SLC9A9: variants seen among roughly 807,000 people sequenced by gnomAD.
SLC9A9 encodes solute carrier family 9 member A9.
Under a neutral mutation model 77.8 loss-of-function variants are expected in SLC9A9, and 62 were observed. The ratio of observed to expected loss-of-function variants is 0.80; its 90% CI spans 0.65 to 0.98. The LOEUF is 0.98. Among genes scored for constraint, SLC9A9 ranks in the 50% least tolerant of loss-of-function variants. The pLI is 0.00. For missense variants in SLC9A9, 775 were observed against 774.9 expected (o/e 1.00, Z 0.00); for synonymous variants, 320 against 283.5 (o/e 1.13, Z -1.29).
intron 14 of SLC9A9, among the ~76,000 whole-genome samples, chr3:143,279,594 G>A (rs1429502268): frequency 6.6e-6 from 1 of 152,042 alleles, no homozygotes; most frequent in Non-Finnish European, 1.5e-5. Flanking sequence ...GCCCCAGTGT[G>A]TGATGTTCCC....
At chr3:143,832,303 T>G (rs2009459037) in intron 1 of SLC9A9, 82 bp from the exon 2 acceptor site, 3 of 1,224,602 alleles carry the variant, frequency 2.4e-6, no homozygotes, top group Admixed American at 1.9e-5. Flanking sequence ...ATTTGGAACC[T>G]TCAGAAGTGA....
At position 143,770,580 on chromosome 3, in the gene SLC9A9, C is replaced by G. The variant is rs184319751; in HGVS notation, c.533+24421G>C. Among the ~76,000 whole-genome samples, 302 of 152,000 alleles carry G rather than the reference C, an allele frequency of 2.0e-3. 1 individual carries two copies. Among genetic ancestry groups the G allele is most frequent in the Middle Eastern group, 0.01 (3 of 294 alleles). On this transcript the variant is annotated intron_variant, in intron 4 of 15. Coordinates refer to ENST00000316549, the MANE Select transcript of SLC9A9 (RefSeq NM_173653.4). ...AGAAATTGGAGACAGATCAAATAATCCAAACATAAACAAACGGACAGATAA... is the reference window on the plus strand; with the variant it reads ...AGAAATTGGAGACAGATCAAATAATGCAAACATAAACAAACGGACAGATAA...
chr3:143,829,910 C>T (rs1380020127), intron 2 of SLC9A9, among the ~76,000 whole-genome samples: 1 of 152,090 alleles, frequency 6.6e-6, no homozygotes, highest in Non-Finnish European at 1.5e-5. Flanking sequence ...GTTTTAAGCT[C>T]CTCACTTCAC....
chr3:143,384,228 G>A (rs1045785542), intron 12 of SLC9A9, among the ~76,000 whole-genome samples: 1 of 150,488 alleles, frequency 6.6e-6, no homozygotes, highest in African/African-American at 2.4e-5. Flanking sequence ...GGGTGGGGGT[G>A]GCCTGCCTCC....
intron 9 of SLC9A9, among the ~76,000 whole-genome samples, chr3:143,508,938 T>C (rs1268601840): frequency 6.6e-6 from 1 of 152,204 alleles, no homozygotes; most frequent in Admixed American, 6.5e-5. Flanking sequence ...AACAGTGATA[T>C]TAAAACTCTT....
At chr3:143,531,217 G>A (rs147881592) in intron 9 of SLC9A9, among the ~76,000 whole-genome samples, 56 of 152,236 alleles carry the variant, frequency 3.7e-4, no homozygotes, top group Middle Eastern at 3.4e-3. Flanking sequence ...TCATGCCTCC[G>A]CTTGAGCATT....
intron 6 of SLC9A9, among the ~76,000 whole-genome samples, chr3:143,604,918 T>A (rs1471964621): frequency 6.6e-6 from 1 of 152,214 alleles, no homozygotes; most frequent in Non-Finnish European, 1.5e-5. Context: ...AAGTTTTCAA[T>A]GAGGGCCCCT....
intron 6 of SLC9A9, among the ~76,000 whole-genome samples, chr3:143,583,226 A>G (rs2037485954): frequency 6.6e-6 from 1 of 152,186 alleles, no homozygotes; most frequent in African/African-American, 2.4e-5. Flanking sequence ...CAGGATATTG[A>G]TTCATTCTGT....
chr3:143,697,689 TACACACAC>T (rs144005213), intron 4 of SLC9A9, among the ~76,000 whole-genome samples: 1 of 148,618 alleles, frequency 6.7e-6, no homozygotes, highest in African/African-American at 2.5e-5. Context: ...TGTGTGTGAG[TACACACAC>T]ACACACACAC....
intron 6 of SLC9A9, among the ~76,000 whole-genome samples, chr3:143,649,325 T>TAAGAG (rs2038760020): frequency 6.6e-6 from 1 of 152,224 alleles, no homozygotes; most frequent in Non-Finnish European, 1.5e-5. Context: ...GACATTCCCT[T>TAAGAG]TATGCTTGAA....
intron 1 of SLC9A9, among the ~76,000 whole-genome samples, chr3:143,843,812 T>C (rs1047577906): frequency 6.6e-6 from 1 of 152,178 alleles, no homozygotes; most frequent in African/African-American, 2.4e-5. Context: ...AAGTGAGTGG[T>C]ACTAAGTGCA....
At chr3:143,585,679 A>T (rs2037528726) in intron 6 of SLC9A9, among the ~76,000 whole-genome samples, 1 of 152,098 alleles carries the variant, frequency 6.6e-6, no homozygotes, top group Admixed American at 6.5e-5. Flanking sequence ...AATCTCCTTA[A>T]TCTGGGGTTC....
chr3:143,294,794 G>A (rs772986321), intron 14 of SLC9A9, among the ~76,000 whole-genome samples: 1 of 152,178 alleles, frequency 6.6e-6, no homozygotes, highest in African/African-American at 2.4e-5. Flanking sequence ...CACAGCTCAG[G>A]ACTGGGATTC....
chr3:143,721,398 C>T (rs1934494727), intron 4 of SLC9A9, among the ~76,000 whole-genome samples: 2 of 151,972 alleles, frequency 1.3e-5, no homozygotes, highest in African/African-American at 4.8e-5. Flanking sequence ...CTGGGACTTC[C>T]ATTTCTTCAT....
At chr3:143,846,172 A>G (rs1576768307) in intron 1 of SLC9A9, among the ~76,000 whole-genome samples, 2 of 152,324 alleles carry the variant, frequency 1.3e-5, no homozygotes, top group South Asian at 4.1e-4. Context: ...GTAGGTTATC[A>G]AAACTTTTAC....
At chr3:143,614,375 T>C (rs2038070119) in intron 6 of SLC9A9, among the ~76,000 whole-genome samples, 1 of 152,206 alleles carries the variant, frequency 6.6e-6, no homozygotes, top group South Asian at 2.1e-4. Context: ...AGTGCCTTGA[T>C]TTGATCAGGC....
chr3:143,661,845 C>A (rs1308167710), intron 5 of SLC9A9, among the ~76,000 whole-genome samples: 1 of 152,094 alleles, frequency 6.6e-6, no homozygotes, highest in Non-Finnish European at 1.5e-5. Flanking sequence ...CAGCTATAGA[C>A]TCCCATATCC....
intron 14 of SLC9A9, among the ~76,000 whole-genome samples, chr3:143,299,518 A>G (rs1313763003): frequency 6.6e-6 from 1 of 150,918 alleles, no homozygotes; most frequent in African/African-American, 2.4e-5. Context: ...TTCTTGGCTC[A>G]CTGCAACCTC....
chr3:143,589,992 A>G (rs1315951447), intron 6 of SLC9A9, among the ~76,000 whole-genome samples: 1 of 152,248 alleles, frequency 6.6e-6, no homozygotes, highest in Non-Finnish European at 1.5e-5. Context: ...ATCTATTTCA[A>G]TATGAGGAGT....
Sources: allele counts gnomAD v4.1 joint callset (sites outside exome capture counted in the v4.1 genomes callset), GRCh38; gene constraint gnomAD v4.1.1; transcripts MANE v1.5; gene names NCBI Gene and HGNC (gene_info 2026-07-23, HGNC 2026-07-21).